CERK: variants seen among roughly 807,000 people sequenced by gnomAD.
CERK encodes the protein acylsphingosine kinase.
CERK carries 39 observed loss-of-function variants against 63.4 expected under a neutral mutation model. That is an observed-to-expected ratio of 0.61 (90% CI 0.48 to 0.80). The LOEUF (loss-of-function observed/expected upper bound fraction) is 0.80. Among genes scored for constraint, CERK ranks in the 30% least tolerant of loss-of-function variants. The pLI, the probability that CERK is intolerant of heterozygous loss-of-function variation, is 0.00. For missense variants in CERK, 670 were observed against 714.1 expected (o/e 0.94, Z 0.70); for synonymous variants, 302 against 280.0 (o/e 1.08, Z -0.78).
chr22:46,714,564 GAAGA>G lies in CERK; in HGVS notation c.380-2275_380-2272del, dbSNP rs1273867809. 6.6e-6 allele frequency among the ~76,000 whole-genome samples: 1 copy of G among 152,168 alleles called. No individual in the cohort carries two copies. Among genetic ancestry groups the G allele is most frequent in the African/African-American group, 2.4e-5 (1 of 41,424 alleles). ...AAAGCAAAATTTGTCAGAGATACCA[GAAGA>G]AATAGAAAATCTGAATAGTCTGACA... On this transcript the variant is annotated intron_variant, in intron 3 of 12. Transcript: ENST00000216264. This position sits in a 1 kb window ranked among gnomAD's most constrained non-coding sequence, Gnocchi z 4.4.
chr22:46,703,657 G>C (rs971463686), intron 6 of CERK, among the ~76,000 whole-genome samples: 8 of 152,068 alleles, frequency 5.3e-5, no homozygotes, highest in Non-Finnish European at 1.0e-4. Flanking sequence ...GCTACACCCC[G>C]GAGTCTCAGA....
intron 9 of CERK, 96 bp downstream of exon 9, chr22:46,695,114 C>T: frequency 1.4e-6 from 1 of 712,330 alleles, no homozygotes. Context: ...CGGCACCTTC[C>T]ACCACATTTG....
intron 4 of CERK, among the ~76,000 whole-genome samples, chr22:46,711,967 G>A (rs192309255): frequency 1.3e-5 from 2 of 152,250 alleles, no homozygotes; most frequent in Admixed American, 6.5e-5. Flanking sequence ...ACAAGGTGTG[G>A]TGCCAGCTAC....
chr22:46,702,200 C>A (rs1224353893), intron 6 of CERK, among the ~76,000 whole-genome samples: 2 of 123,262 alleles, frequency 1.6e-5, no homozygotes, highest in Admixed American at 8.7e-5. Context: ...AAAAAGGAGC[C>A]AAAAAGTTAA....
At chr22:46,729,239 C>T (rs746357544) in intron 1 of CERK, among the ~76,000 whole-genome samples, 1 of 152,126 alleles carries the variant, frequency 6.6e-6, no homozygotes, top group Non-Finnish European at 1.5e-5. Context: ...ATGGTACATG[C>T]CTGTAGTTCC....
At chr22:46,710,616 G>T (rs2082835966) in intron 5 of CERK, among the ~76,000 whole-genome samples, 1 of 152,056 alleles carries the variant, frequency 6.6e-6, no homozygotes, top group Non-Finnish European at 1.5e-5. Flanking sequence ...AGCAAAAATT[G>T]GAAAGAGCCT....
chr22:46,707,656 C>G (rs940805255), intron 6 of CERK, among the ~76,000 whole-genome samples, 187 bp downstream of exon 6: 1 of 152,212 alleles, frequency 6.6e-6, no homozygotes. Context: ...TTCCTTTCCA[C>G]GAGTGTCTAT....
chr22:46,688,665 T>C (rs1358078576), intron 12 of CERK, among the ~76,000 whole-genome samples: 2 of 152,222 alleles, frequency 1.3e-5, no homozygotes, highest in Non-Finnish European at 2.9e-5. Flanking sequence ...TCCACAGAGA[T>C]GCGTGCATCC....
chr22:46,690,312 G>A (rs978379647), intron 11 of CERK, 112 bp from the exon 12 acceptor site: 9 of 730,140 alleles, frequency 1.2e-5, no homozygotes, highest in South Asian at 3.6e-5. Context: ...GTGCACACAC[G>A]GCCCTTCTCG....
rs77564833 is a variant in CERK, at chr22:46,725,787, G to A, written c.143-4772C>T. 1.4e-3 allele frequency among the ~76,000 whole-genome samples: 219 copies of A among 152,310 alleles called. 1 individual carries two copies. The highest frequency in any genetic ancestry group is 3.4e-3 in the Middle Eastern group (1 of 294). ...GCCTCCTGGTTCTCGTGCGGCTCAC[G>A]CGTTTGCTGACTCCCTCTCTGCAGA... On this transcript the variant is annotated intron_variant, in intron 1 of 12. Coordinates refer to ENST00000216264, the MANE Select transcript of CERK (RefSeq NM_022766.6).
At chr22:46,688,263 A>AT (rs547458490) in intron 12 of CERK, among the ~76,000 whole-genome samples, 1 of 152,368 alleles carries the variant, frequency 6.6e-6, no homozygotes. Flanking sequence ...CACAAATTAT[A>AT]TTTTTAAAAG....
chr22:46,693,355 C>T (rs2082740999), intron 10 of CERK, 72 bp downstream of exon 10: 2 of 1,240,600 alleles, frequency 1.6e-6, no homozygotes, highest in Non-Finnish European at 2.4e-6. Flanking sequence ...AGAGGCAGTG[C>T]CCTGAGAGAG....
Position 46,707,847 on chromosome 22 carries a change from G to T in CERK, c.711C>A (p.Pro237=). ...AATGCCAGGCCGGCTCCATACCTGC[G>T]GGAATGATTCCAATCCGGAGGCTAC... ...VPSSLRIGII[P]AGSTDCVCYS... The change falls in exon 6 of 13, where the codon CCC becomes CCA. Residue 237 remains proline, a synonymous_variant. Transcript: ENST00000216264. The T allele has an allele frequency of 6.2e-7, 1 of 1,606,696 alleles. No homozygotes were observed. The highest frequency in any genetic ancestry group is 8.5e-7 in the Non-Finnish European group (1 of 1,174,870).
In CERK at chr22:46,727,242, T is replaced by C. The variant is rs372867898; in HGVS notation, c.143-6227A>G. Among the ~76,000 whole-genome samples, 35 of 151,980 alleles carry C rather than the reference T, an allele frequency of 2.3e-4. No individual in the cohort carries two copies. In the South Asian group the frequency reaches 7.1e-3, roughly 31 times the overall value. On this transcript the variant is annotated intron_variant, in intron 1 of 12. Transcript: ENST00000216264. Reference sequence around the variant, plus strand: ...ATTTCATGCCATAAAATGTGACCTTTGACCCTTGTCAGCACACCATTAGTA... The same window carrying C: ...ATTTCATGCCATAAAATGTGACCTTCGACCCTTGTCAGCACACCATTAGTA...
Position 46,720,211 on chromosome 22 carries a change from G to A in CERK, c.257-3C>T. 1 of 1,609,246 alleles carries A rather than the reference G, an allele frequency of 6.2e-7. No homozygotes were observed. Among genetic ancestry groups the A allele is most frequent in the Non-Finnish European group, 8.5e-7 (1 of 1,176,992 alleles). On this transcript the variant is annotated splice_polypyrimidine_tract_variant and splice_region_variant and intron_variant, in intron 2 of 12. Transcript: ENST00000216264. ...TCGTGCTCTCTTTACACAGTGAACTGCACAGAAGCAAGCATGCTCGTTAGT... is the reference window on the plus strand; with the variant it reads ...TCGTGCTCTCTTTACACAGTGAACTACACAGAAGCAAGCATGCTCGTTAGT...
intron 11 of CERK, among the ~76,000 whole-genome samples, chr22:46,690,959 ATG>A (rs1050577379): frequency 7.2e-5 from 11 of 151,730 alleles, no homozygotes; most frequent in African/African-American, 1.5e-4. Context: ...GTATGTATGT[ATG>A]TGTGTGTATA....
chr22:46,726,132 C>T (rs801590), intron 1 of CERK, among the ~76,000 whole-genome samples: 3,814 of 152,328 alleles, frequency 0.025, 122 homozygotes, highest in African/African-American at 0.082. Flanking sequence ...TGTGTGGGCA[C>T]GCTCATGGCA....
intron 1 of CERK, among the ~76,000 whole-genome samples, chr22:46,726,497 G>C (rs1250449749): frequency 6.6e-6 from 1 of 152,200 alleles, no homozygotes; most frequent in Non-Finnish European, 1.5e-5. Context: ...TAGAGTCCAA[G>C]CAGTAAGGGT....
At chr22:46,726,205 G>C (rs1314826333) in intron 1 of CERK, among the ~76,000 whole-genome samples, 1 of 152,246 alleles carries the variant, frequency 6.6e-6, no homozygotes, top group Non-Finnish European at 1.5e-5. Context: ...GGAGGCCCCA[G>C]ATGTCTTTCG....
Sources: gnomAD v4.1 joint callset for allele counts (sites outside exome capture counted in the v4.1 genomes callset) on GRCh38, gnomAD v4.1.1 for gene constraint, Gnocchi (gnomAD v3.1) non-coding constraint, MANE v1.5 for transcripts, NCBI Gene and HGNC (gene_info 2026-07-23, HGNC 2026-07-21) for gene names.